The following CNTN5 variants were observed in gnomAD, a reference collection of about 807,000 sequenced individuals.
CNTN5 encodes contactin-5.
In CNTN5, 77 loss-of-function variants were observed where a neutral mutation model predicts 129.1. The observed-to-expected ratio is 0.60, with a 90% CI of 0.50 to 0.72. The LOEUF is 0.72. Among genes scored for constraint, CNTN5 ranks in the 30% least tolerant of loss-of-function variants. The probability of loss-of-function intolerance (pLI) is 0.00; values close to 1 mark genes in which losing one functional copy is unlikely to be tolerated. For missense variants in CNTN5, 1,478 were observed against 1,328.8 expected (o/e 1.11, Z -1.75); for synonymous variants, 509 against 465.6 (o/e 1.09, Z -1.20).
chr11:100,336,271 A>G (rs538693127), intron 21 of CNTN5, among the ~76,000 whole-genome samples: 6 of 152,218 alleles, frequency 3.9e-5, no homozygotes, highest in Admixed American at 6.5e-5. Context: ...CCATGGCAGC[A>G]TTTTAATTAA....
At chr11:100,298,695 T>C (rs981119622) in intron 19 of CNTN5, among the ~76,000 whole-genome samples, 5 of 151,450 alleles carry the variant, frequency 3.3e-5, no homozygotes, top group African/African-American at 1.2e-4. Context: ...GTCCAACTTT[T>C]TCATGTCAGT....
intron 13 of CNTN5, among the ~76,000 whole-genome samples, chr11:100,127,456 C>A (rs924606184): frequency 2.6e-5 from 4 of 151,806 alleles, no homozygotes; most frequent in African/African-American, 9.7e-5. Flanking sequence ...CCTTACAGGA[C>A]AGTTAGTAAT....
chr11:100,340,689 G>T, intron 22 of CNTN5, 40 bp downstream of exon 22: 1 of 1,529,124 alleles, frequency 6.5e-7, no homozygotes, highest in South Asian at 1.3e-5. Flanking sequence ...AGACAAAGGG[G>T]AAACATCGTA....
intron 4 of CNTN5, among the ~76,000 whole-genome samples, chr11:99,841,819 T>TGG (rs1491536343): frequency 1.4e-5 from 2 of 144,262 alleles, no homozygotes; most frequent in African/African-American, 5.1e-5. Flanking sequence ...TGTGTATATA[T>TGG]GTGTGTATAT....
rs184798385 is a variant in CNTN5, at chr11:99,534,106, C to T, written c.-70-22039C>T. ...AATATAAATGTGGCTGACTGCCACACGGCTCTACTTCACACCTTTAACCAG... is the reference window on the plus strand; with the variant it reads ...AATATAAATGTGGCTGACTGCCACATGGCTCTACTTCACACCTTTAACCAG... On this transcript the variant is annotated intron_variant, in intron 2 of 24. Transcript: ENST00000524871. Among the ~76,000 whole-genome samples the T allele has an allele frequency of 1.7e-3, 260 of 152,340 alleles. 2 individuals are homozygous for T. The highest frequency in any genetic ancestry group is 5.1e-3 in the African/African-American group (210 of 41,578).
chr11:99,442,504 C>G (rs1259104035), intron 2 of CNTN5, among the ~76,000 whole-genome samples: 1 of 152,076 alleles, frequency 6.6e-6, no homozygotes, highest in Non-Finnish European at 1.5e-5. Context: ...CTGTGTTAAT[C>G]AAAGAGACAG....
At chr11:99,846,470 A>G (rs1288341088) in intron 6 of CNTN5, among the ~76,000 whole-genome samples, 3 of 151,948 alleles carry the variant, frequency 2.0e-5, no homozygotes, top group Admixed American at 2.0e-4. Context: ...AATTAAAAAT[A>G]GGCTAATAGG....
chr11:100,190,734 T>A (rs1259473023), intron 13 of CNTN5, among the ~76,000 whole-genome samples: 1 of 151,796 alleles, frequency 6.6e-6, no homozygotes, highest in Non-Finnish European at 1.5e-5. Context: ...ATGCTGTTTT[T>A]TTTTTTTATA....
chr11:99,674,887 G>A (rs1256524835), intron 3 of CNTN5, among the ~76,000 whole-genome samples: 1 of 151,774 alleles, frequency 6.6e-6, no homozygotes, highest in Non-Finnish European at 1.5e-5. Flanking sequence ...TTTTGCCCTT[G>A]CTCTGAGCTT....
intron 3 of CNTN5, among the ~76,000 whole-genome samples, chr11:99,810,308 A>G (rs1946392445): frequency 6.6e-6 from 1 of 152,192 alleles, no homozygotes; most frequent in East Asian, 1.9e-4. Context: ...AGTTGTAGAA[A>G]TAATTTCAAA....
At chr11:99,370,672 A>G (rs768302752) in intron 2 of CNTN5, among the ~76,000 whole-genome samples, 34 of 152,246 alleles carry the variant, frequency 2.2e-4, no homozygotes, top group Admixed American at 4.6e-4. Flanking sequence ...CAGAAATGGA[A>G]TAGATACCCT....
intron 9 of CNTN5, among the ~76,000 whole-genome samples, chr11:100,060,398 A>T (rs12281040): frequency 0.077 from 11,685 of 152,092 alleles, 538 homozygotes; most frequent in East Asian, 0.19. Flanking sequence ...TTATATTTAA[A>T]AAATAACAAA....
chr11:99,209,748 G>A (rs1285941046), intron 1 of CNTN5, among the ~76,000 whole-genome samples: 1 of 152,146 alleles, frequency 6.6e-6, no homozygotes, highest in Non-Finnish European at 1.5e-5. Flanking sequence ...TGAATAGACA[G>A]TAAATTCTAG....
At chr11:100,241,467 A>G (rs746574623) in intron 16 of CNTN5, among the ~76,000 whole-genome samples, 17 of 152,230 alleles carry the variant, frequency 1.1e-4, no homozygotes, top group Non-Finnish European at 1.9e-4. Flanking sequence ...AGGAAAAAAC[A>G]TTATTAAATA....
chr11:99,827,066 T>C (rs1190587733), intron 4 of CNTN5, among the ~76,000 whole-genome samples: 1 of 152,070 alleles, frequency 6.6e-6, no homozygotes, highest in Admixed American at 6.6e-5. Context: ...TCATTGGTTT[T>C]TTGCTTTTTG....
intron 9 of CNTN5, among the ~76,000 whole-genome samples, chr11:100,060,640 CTTTT>C (rs10700520): frequency 2.2e-5 from 3 of 137,416 alleles, no homozygotes; most frequent in African/African-American, 2.7e-5. Context: ...AATTTTTTTT[CTTTT>C]TTTTTTTTTT....
intron 16 of CNTN5, among the ~76,000 whole-genome samples, chr11:100,240,953 C>T (rs1199500542): frequency 6.6e-6 from 1 of 152,128 alleles, no homozygotes; most frequent in Non-Finnish European, 1.5e-5. Context: ...GTCCATATAG[C>T]CACACTTTAT....
At chr11:100,069,446 C>G (rs1158690323) in intron 10 of CNTN5, among the ~76,000 whole-genome samples, 2 of 152,130 alleles carry the variant, frequency 1.3e-5, no homozygotes, top group African/African-American at 4.8e-5. Flanking sequence ...TGAGCACCGT[C>G]CCAGGTCCAA....
chr11:100,255,323 G>A (rs1002140852), intron 16 of CNTN5, among the ~76,000 whole-genome samples: 1 of 152,040 alleles, frequency 6.6e-6, no homozygotes. Flanking sequence ...TATGTTCTCT[G>A]AACATGAACA....
Sources: gnomAD v4.1 joint callset for allele counts (sites outside exome capture counted in the v4.1 genomes callset) on GRCh38, gnomAD v4.1.1 for gene constraint, MANE v1.5 for transcripts, NCBI Gene and HGNC (gene_info 2026-07-23, HGNC 2026-07-21) for gene names.